Variants in NEDD4 observed in about 807,000 individuals in gnomAD.
NEDD4 encodes NEDD4 E3 ubiquitin protein ligase.
In NEDD4, 99 loss-of-function variants were observed where a neutral mutation model predicts 144.9. The observed-to-expected ratio is 0.68, with a 90% CI of 0.58 to 0.81. The LOEUF (loss-of-function observed/expected upper bound fraction) is 0.81, where lower values mean the gene tolerates loss of function less well. Among genes scored for constraint, NEDD4 ranks in the 30% least tolerant of loss-of-function variants. The pLI is 0.00. For missense variants in NEDD4, 985 were observed against 1,065.9 expected, an observed-to-expected ratio of 0.92 and a Z score of 1.06; for synonymous variants, 318 against 350.6, an observed-to-expected ratio of 0.91 and a Z score of 1.04.
chr15:55,879,872 A>T (rs781180124), intron 5 of NEDD4, among the ~76,000 whole-genome samples: 12 of 152,368 alleles, frequency 7.9e-5, no homozygotes, highest in Non-Finnish European at 1.8e-4. Context: ...AGGAAATTAC[A>T]GGAGAAAATT....
intron 4 of NEDD4, among the ~76,000 whole-genome samples, chr15:55,926,964 T>C (rs369757766): frequency 6.6e-6 from 1 of 150,908 alleles, no homozygotes; most frequent in South Asian, 2.1e-4. Flanking sequence ...TAACCCCAGC[T>C]AGTTGGGAGG....
chr15:55,866,333 A>G (rs1395207743), intron 8 of NEDD4, among the ~76,000 whole-genome samples: 3 of 151,130 alleles, frequency 2.0e-5, no homozygotes, highest in Non-Finnish European at 4.4e-5. Flanking sequence ...TTGTCTGCCC[A>G]TCCATGTTGA....
chr15:55,830,370 T>A (rs182098944), intron 28 of NEDD4, 144 bp downstream of exon 28: 1 of 747,350 alleles, frequency 1.3e-6, no homozygotes, highest in African/African-American at 1.8e-5. Context: ...CACCTGTTCG[T>A]TGGGTGTCAC....
At chr15:55,977,142 C>T (rs2037716671) in intron 1 of NEDD4, among the ~76,000 whole-genome samples, 1 of 152,142 alleles carries the variant, frequency 6.6e-6, no homozygotes, top group African/African-American at 2.4e-5. Flanking sequence ...CATCCCTGTT[C>T]CAGGAGGCCT....
intron 11 of NEDD4, among the ~76,000 whole-genome samples, chr15:55,857,346 T>C (rs1243027775): frequency 9.2e-5 from 14 of 152,204 alleles, no homozygotes; most frequent in African/African-American, 3.4e-4. Flanking sequence ...TTTATTTTTT[T>C]GAGACAGAGT....
chr15:55,976,142 G>A (rs978352680), intron 1 of NEDD4, among the ~76,000 whole-genome samples: 8 of 152,026 alleles, frequency 5.3e-5, no homozygotes, highest in African/African-American at 1.9e-4. Context: ...AAACATTGAG[G>A]AAACTCTCCA....
chr15:55,908,111 G>A (rs2036158127), intron 5 of NEDD4, among the ~76,000 whole-genome samples: 2 of 152,186 alleles, frequency 1.3e-5, no homozygotes, highest in African/African-American at 4.8e-5. Context: ...CTGCAAGGCT[G>A]TGTGTAGTCA....
chr15:55,837,740 T>C (rs1426911481), intron 24 of NEDD4, 49 bp downstream of exon 24: 3 of 1,384,438 alleles, frequency 2.2e-6, no homozygotes, highest in East Asian at 2.3e-5. Context: ...TTGAAACTTA[T>C]AGGTTATACT....
intron 12 of NEDD4, among the ~76,000 whole-genome samples, chr15:55,852,970 G>A (rs1411420139): frequency 9.2e-5 from 14 of 151,800 alleles, no homozygotes; most frequent in Non-Finnish European, 1.5e-4. Flanking sequence ...GGCTGGTCTC[G>A]AACTCCTAAT....
intron 5 of NEDD4, among the ~76,000 whole-genome samples, chr15:55,909,807 A>C (rs2036212248): frequency 6.6e-6 from 1 of 152,308 alleles, no homozygotes; most frequent in Non-Finnish European, 1.5e-5. Context: ...CCTATTATCC[A>C]AGTAGTTTCT....
At chr15:55,876,160 C>T (rs2034985570) in intron 5 of NEDD4, among the ~76,000 whole-genome samples, 1 of 151,898 alleles carries the variant, frequency 6.6e-6, no homozygotes, top group Non-Finnish European at 1.5e-5. Context: ...AAAAACTATC[C>T]ATAAAAAAGG....
intron 4 of NEDD4, among the ~76,000 whole-genome samples, chr15:55,942,447 TTG>T (rs2037024985): frequency 1.3e-5 from 2 of 152,316 alleles, no homozygotes; most frequent in African/African-American, 4.8e-5. Context: ...GACTTCCCCC[TTG>T]CTGCTCTGGT....
chr15:55,853,499 T>C lies in NEDD4; in HGVS notation c.1027-956A>G, dbSNP rs186131429. Among the ~76,000 whole-genome samples, 236 of 152,342 alleles carry C rather than the reference T, an allele frequency of 1.5e-3. 2 individuals are homozygous for C. Among genetic ancestry groups the C allele is most frequent in the Non-Finnish European group, 2.4e-3 (166 of 68,030 alleles). Reference sequence around the variant, plus strand: ...AAAGGCCGAGAGTAATGGAAGTAACTTGTTAAGCGACATGGCTTCTAAGGA... The same window carrying C: ...AAAGGCCGAGAGTAATGGAAGTAACCTGTTAAGCGACATGGCTTCTAAGGA... On this transcript the variant is annotated intron_variant, in intron 12 of 28. Coordinates refer to ENST00000435532, the MANE Select transcript of NEDD4 (RefSeq NM_006154.4).
At chr15:55,850,858 C>G in intron 13 of NEDD4, 116 bp from the exon 14 acceptor site, 1 of 832,396 alleles carries the variant, frequency 1.2e-6, no homozygotes, top group Non-Finnish European at 1.7e-6. Context: ...TAAAGAGACT[C>G]TAAATATTTG....
At chr15:55,974,471 A>G (rs1170590112) in intron 1 of NEDD4, among the ~76,000 whole-genome samples, 1 of 152,196 alleles carries the variant, frequency 6.6e-6, no homozygotes, top group East Asian at 1.9e-4. Context: ...TGAAAAAAGA[A>G]AACTACAGGC....
At chr15:55,866,976 G>A (rs2034607630) in intron 8 of NEDD4, among the ~76,000 whole-genome samples, 2 of 152,110 alleles carry the variant, frequency 1.3e-5, no homozygotes, top group Non-Finnish European at 2.9e-5. Flanking sequence ...ATTTAATCAA[G>A]TCAAAGAGGG....
intron 2 of NEDD4, among the ~76,000 whole-genome samples, chr15:55,961,573 T>G (rs2142321049): frequency 6.6e-6 from 1 of 152,132 alleles, no homozygotes; most frequent in Middle Eastern, 3.4e-3. Context: ...CGGGTTCATA[T>G]CATTCTCCTG....
chr15:55,869,836 T>G (rs1229863367), intron 7 of NEDD4, among the ~76,000 whole-genome samples, 155 bp from the exon 8 acceptor site: 1 of 149,206 alleles, frequency 6.7e-6, no homozygotes, highest in East Asian at 1.9e-4. Flanking sequence ...GGGAAAGGAA[T>G]AGAAGGTAGA....
At chr15:55,918,186 C>T (rs1351017367) in intron 5 of NEDD4, among the ~76,000 whole-genome samples, 1 of 152,150 alleles carries the variant, frequency 6.6e-6, no homozygotes, top group Admixed American at 6.6e-5. Context: ...AAAGCTCCCA[C>T]AGTAGAGAAC....
Sources: gnomAD v4.1 joint callset for allele counts (sites outside exome capture counted in the v4.1 genomes callset) on GRCh38, gnomAD v4.1.1 for gene constraint, MANE v1.5 for transcripts, NCBI Gene and HGNC (gene_info 2026-07-23, HGNC 2026-07-21) for gene names.